LIPA: variants seen among roughly 807,000 people sequenced by gnomAD.
The protein encoded by LIPA is lysosomal acid lipase/cholesteryl ester hydrolase.
In LIPA, 26 loss-of-function variants were observed where a neutral mutation model predicts 40.6. The ratio of observed to expected loss-of-function variants is 0.64; its 90% CI spans 0.47 to 0.89. The LOEUF (loss-of-function observed/expected upper bound fraction) is 0.89, where lower values mean the gene tolerates loss of function less well. Among genes scored for constraint, LIPA ranks in the 40% least tolerant of loss-of-function variants. The pLI, the probability that LIPA is intolerant of heterozygous loss-of-function variation, is 0.00. For missense variants in LIPA, 455 were observed against 479.6 expected (o/e 0.95, Z 0.48); for synonymous variants, 188 against 168.4 (o/e 1.12, Z -0.90).
At chr10:89,364,916 G>C (rs543658288) in intron 2 of LIPA, among the ~76,000 whole-genome samples, 1 of 152,262 alleles carries the variant, frequency 6.6e-6, no homozygotes, top group South Asian at 2.1e-4. Context: ...GTCTGTGTGG[G>C]AAGCAAGAAA....
At chr10:89,342,523 A>C (rs926159895) in intron 1 of LIPA, 1 of 152,150 alleles carries the variant, frequency 6.6e-6, no homozygotes. Flanking sequence ...AAAGCAAGCA[A>C]AGCTGCTTTT....
At chr10:89,350,960 A>G (rs1011887650) in intron 2 of LIPA, among the ~76,000 whole-genome samples, 1 of 152,068 alleles carries the variant, frequency 6.6e-6, no homozygotes, top group East Asian at 1.9e-4. Flanking sequence ...ACACTCTTTC[A>G]TTTCTTTTAA....
At chr10:89,393,221 C>A (rs780544495) in intron 2 of LIPA, 32 of 1,289,706 alleles carry the variant, frequency 2.5e-5, no homozygotes, top group Non-Finnish European at 1.9e-5. Context: ...AAGCTCACAG[C>A]CTTCCTCCAT....
intron 1 of LIPA, chr10:89,292,257 T>C (rs1208550217): frequency 6.6e-6 from 1 of 152,212 alleles, no homozygotes; most frequent in Non-Finnish European, 1.5e-5. Flanking sequence ...AATATTTTGG[T>C]TCTGGGATAA....
intron 1 of LIPA, among the ~76,000 whole-genome samples, chr10:89,265,814 A>G (rs573291238): frequency 6.6e-6 from 1 of 152,370 alleles, no homozygotes; most frequent in South Asian, 2.1e-4. Flanking sequence ...AGAGACCTCA[A>G]CATGAGAGAA....
intron 1 of LIPA, chr10:89,338,542 T>C: frequency 2.2e-6 from 2 of 929,556 alleles, no homozygotes; most frequent in Non-Finnish European, 3.3e-6. Context: ...CCAGAAATAA[T>C]GTTGGACCAA....
At chr10:89,287,886 G>A (rs1034349192) in intron 1 of LIPA, among the ~76,000 whole-genome samples, 12 of 151,906 alleles carry the variant, frequency 7.9e-5, no homozygotes, top group African/African-American at 1.9e-4. Context: ...TGCCCAACTC[G>A]TACACTCTTT....
At chr10:89,256,896 T>C (rs1195983202) in intron 1 of LIPA, among the ~76,000 whole-genome samples, 3 of 152,228 alleles carry the variant, frequency 2.0e-5, no homozygotes, top group African/African-American at 7.2e-5. Flanking sequence ...GTGGATGACC[T>C]ATACCTTTTC....
chr10:89,339,667 T>C, intron 1 of LIPA: 3 of 1,614,146 alleles, frequency 1.9e-6, no homozygotes, highest in Non-Finnish European at 2.5e-6. Flanking sequence ...TCTCGCTGAG[T>C]TCCTGGAGAC....
intron 2 of LIPA, among the ~76,000 whole-genome samples, chr10:89,386,968 TGTGTGAGA>T (rs1341065590): frequency 8.7e-5 from 7 of 80,150 alleles, no homozygotes; most frequent in Admixed American, 2.6e-4. Context: ...TGTGTGTGTG[TGTGTGAGA>T]GAGAGAGAGA....
In LIPA at chr10:89,403,094, A is replaced by C. The variant is rs573056328; in HGVS notation, c.61+9697T>G. 25 of 1,614,232 alleles carry C rather than the reference A, an allele frequency of 1.5e-5. No individual in the cohort carries two copies. The South Asian group carries it at 2.5e-4, about 16-fold the overall frequency. ...GCTCTGTGGATAAAGCTCTTGAGTT[A>C]TTAAAAAAGGCCTTGCAGGAAACAC... On this transcript the variant is annotated intron_variant, in intron 2 of 8. Transcript: ENST00000371837.
chr10:89,352,833 G>A (rs1443497994), intron 2 of LIPA, among the ~76,000 whole-genome samples: 2 of 139,950 alleles, frequency 1.4e-5, no homozygotes, highest in East Asian at 2.2e-4. Context: ...TTCACAATTT[G>A]TCCATAAGGA....
At chr10:89,396,704 T>C (rs573846958) in intron 2 of LIPA, among the ~76,000 whole-genome samples, 5 of 152,340 alleles carry the variant, frequency 3.3e-5, no homozygotes, top group African/African-American at 1.2e-4. Flanking sequence ...TCAAACTGTA[T>C]CCAAACCATA....
At chr10:89,248,052 C>T (rs1028546271) in intron 1 of LIPA, among the ~76,000 whole-genome samples, 7 of 151,472 alleles carry the variant, frequency 4.6e-5, no homozygotes, top group East Asian at 2.0e-4. Context: ...ATTTTTGTAG[C>T]GATGGGCTTT....
chr10:89,344,631 C>A (rs6586185), upstream of LIPA, among the ~76,000 whole-genome samples: 8,463 of 150,096 alleles, frequency 0.056, 662 homozygotes, highest in African/African-American at 0.18. Flanking sequence ...AAAAAAACCT[C>A]AAGTAGAAAA....
chr10:89,405,754 G>A (rs1170181415), intron 2 of LIPA: 6 of 152,126 alleles, frequency 3.9e-5, no homozygotes, highest in Non-Finnish European at 5.9e-5. Flanking sequence ...TTTCTTCTAA[G>A]GACGCACCAG....
At chr10:89,359,813 TCTCA>T (rs1246906369) in intron 2 of LIPA, among the ~76,000 whole-genome samples, 4 of 128,426 alleles carry the variant, frequency 3.1e-5, no homozygotes, top group Admixed American at 8.0e-5. Flanking sequence ...TCTCTCTCTC[TCTCA>T]CACACACACA....
At chr10:89,245,035 A>T (rs951110492) in intron 3 of LIPA, among the ~76,000 whole-genome samples, 2 of 152,220 alleles carry the variant, frequency 1.3e-5, no homozygotes, top group Non-Finnish European at 2.9e-5. Flanking sequence ...TAAATAAATA[A>T]TGATACAGTC....
At chr10:89,410,955 G>A (rs1372081743) in intron 2 of LIPA, among the ~76,000 whole-genome samples, 2 of 152,206 alleles carry the variant, frequency 1.3e-5, no homozygotes, top group African/African-American at 2.4e-5. Flanking sequence ...AGACGAAGAA[G>A]TCAAAGAGAG....
Sources: allele counts gnomAD v4.1 joint callset (sites outside exome capture counted in the v4.1 genomes callset), GRCh38; gene constraint gnomAD v4.1.1; transcripts MANE v1.5; gene names NCBI Gene and HGNC (gene_info 2026-07-23, HGNC 2026-07-21).